The following PPP4R3A variants were observed in gnomAD, a reference collection of about 807,000 sequenced individuals.
PPP4R3A encodes the protein serine/threonine-protein phosphatase 4 regulatory subunit 3A.
Under a neutral mutation model 91.7 loss-of-function variants are expected in PPP4R3A, and 15 were observed. The ratio of observed to expected loss-of-function variants is 0.16; its 90% CI spans 0.11 to 0.25. PPP4R3A has a LOEUF of 0.25. Ranked by LOEUF, PPP4R3A falls within the 10% of genes least tolerant of loss-of-function variation. PPP4R3A has a pLI of 1.00. For missense variants in PPP4R3A, 623 were observed against 998.4 expected (o/e 0.62, Z 5.07); for synonymous variants, 377 against 348.7 (o/e 1.08, Z -0.91).
intron 3 of PPP4R3A, among the ~76,000 whole-genome samples, chr14:91,482,558 A>G (rs772392235): frequency 3.3e-5 from 5 of 152,162 alleles, no homozygotes; most frequent in Non-Finnish European, 7.3e-5. Context: ...CCTCTTTTCC[A>G]GCAGACCAAG....
At position 91,490,023 on chromosome 14, in the gene PPP4R3A, T is replaced by A. The variant is rs899061177; in HGVS notation, c.198+724A>T. ...CACTTTATGAACAAGCTGGTAATCTTCTTTCTTCTCAATTAACTATTTTGT... is the reference window on the plus strand; with the variant it reads ...CACTTTATGAACAAGCTGGTAATCTACTTTCTTCTCAATTAACTATTTTGT... On this transcript the variant is annotated intron_variant, in intron 2 of 14. Coordinates refer to ENST00000554943, the MANE Select transcript of PPP4R3A (RefSeq NM_001366432.2). 3.1e-5 allele frequency among the ~76,000 whole-genome samples: 4 copies of A among 127,098 alleles called. No homozygotes were observed. The Admixed American group carries it at 3.5e-4, about 11-fold the overall frequency. The allele number at this position is 127,098 out of a possible 152,430, so 83.4% of individuals were successfully genotyped here.
chr14:91,493,613 C>T (rs1890361567), intron 1 of PPP4R3A, among the ~76,000 whole-genome samples: 1 of 141,520 alleles, frequency 7.1e-6, no homozygotes, highest in African/African-American at 2.8e-5. Context: ...GATGGTGAGA[C>T]CCCATACTAT....
intron 1 of PPP4R3A, among the ~76,000 whole-genome samples, chr14:91,496,449 T>G (rs2140146878): frequency 6.6e-6 from 1 of 152,288 alleles, no homozygotes; most frequent in South Asian, 2.1e-4. Flanking sequence ...TATGACATTG[T>G]CAGCCACCTA....
At chr14:91,474,698 C>T (rs1889075670) in intron 7 of PPP4R3A, 1 of 151,586 alleles carries the variant, frequency 6.6e-6, no homozygotes, top group South Asian at 2.1e-4. Context: ...TCATAGCTCA[C>T]TGCAGAGTCA....
chr14:91,504,391 C>A (rs889530098), intron 1 of PPP4R3A, among the ~76,000 whole-genome samples: 46 of 150,288 alleles, frequency 3.1e-4, no homozygotes, highest in African/African-American at 1.0e-3. Context: ...CACCTGAGGT[C>A]AGGAGTTCGA....
At chr14:91,460,637 CTTTTTTTTT>C (rs573677740) in intron 14 of PPP4R3A, among the ~76,000 whole-genome samples, 8 of 111,282 alleles carry the variant, frequency 7.2e-5, no homozygotes, top group Non-Finnish European at 1.4e-4. Context: ...GATTTTGTTC[CTTTTTTTTT>C]TTTTTTTTTT....
At chr14:91,477,107 TG>T in intron 4 of PPP4R3A, 121 bp from the exon 5 acceptor site, 1 of 559,936 alleles carries the variant, frequency 1.8e-6, no homozygotes, top group South Asian at 2.9e-5. Context: ...TTGGCAATGC[TG>T]TCTTTTTTTT....
intron 4 of PPP4R3A, among the ~76,000 whole-genome samples, chr14:91,479,292 ACG>A (rs1491131693): frequency 2.1e-5 from 2 of 93,260 alleles, no homozygotes; most frequent in South Asian, 4.3e-4. Flanking sequence ...ATAAAAAACA[ACG>A]TGTGTGTGTG....
chr14:91,468,993 T>C (rs1159941813), intron 10 of PPP4R3A, among the ~76,000 whole-genome samples: 2 of 151,912 alleles, frequency 1.3e-5, no homozygotes, highest in African/African-American at 4.8e-5. Flanking sequence ...GTCATAACCA[T>C]CTTCATTTTC....
At position 91,473,346 on chromosome 14, in the gene PPP4R3A, T is replaced by C. The variant is rs1888966282; in HGVS notation, c.1291A>G (p.Ile431Val). 21 of 1,613,484 alleles carry C rather than the reference T, an allele frequency of 1.3e-5. No homozygotes were observed. Among genetic ancestry groups the C allele is most frequent in the Admixed American group, 1.7e-5 (1 of 59,878 alleles). Residue 431 changes from isoleucine to valine, a missense_variant, in exon 8 of 15, where the codon ATA becomes GTA. By Grantham distance (29) the Ile-to-Val change is conservative. Around this residue, in one of 5 missense-constraint regions of PPP4R3A, gnomAD observed 264 missense variants for 377.3 expected, o/e 0.70. Transcript: ENST00000554943. The stretch of plus-strand genomic sequence containing the variant: ...TCTGTATCACAAATCATATGTTCTA[T>C]AATGAGGTTGATGAGCAAAATATCC... ...SKDILLINLI[I>V]EHMICDTDPE...
intron 2 of PPP4R3A, among the ~76,000 whole-genome samples, chr14:91,489,222 TG>T (rs1268036403): frequency 6.6e-6 from 1 of 152,090 alleles, no homozygotes; most frequent in Non-Finnish European, 1.5e-5. Context: ...TACTTCTTAG[TG>T]ATGAAAACAA....
rs750299567 is a variant in PPP4R3A at position 91,490,827 on chromosome 14, ATTATGTTACTGT to A, written c.143-37_143-26del. The stretch of plus-strand genomic sequence containing the variant: ...CCTAGGAAACAGAAAAAGACATTCC[ATTATGTTACTGT>A]AAAACAGCAAAATTATATTCCCTTA... On this transcript the variant is annotated intron_variant, in intron 1 of 14. Transcript: ENST00000554943. 2.6e-6 allele frequency: 4 copies of A among 1,567,198 alleles called. No individual in the cohort carries two copies. In the Admixed American group the frequency reaches 7.0e-5, roughly 27 times the overall value.
chr14:91,484,623 A>T (rs1170098778), intron 3 of PPP4R3A, among the ~76,000 whole-genome samples: 2 of 152,198 alleles, frequency 1.3e-5, no homozygotes, highest in African/African-American at 4.8e-5. Flanking sequence ...GGATTTTAAA[A>T]AACAATTATT....
intron 3 of PPP4R3A, among the ~76,000 whole-genome samples, chr14:91,484,398 G>T (rs1432129106): frequency 2.0e-5 from 3 of 152,130 alleles, no homozygotes; most frequent in African/African-American, 7.2e-5. Flanking sequence ...GCCAAATTTG[G>T]TCTGCCACCT....
rs1889226042 is a variant in PPP4R3A at position 91,476,653 on chromosome 14, C to G, written c.994-129G>C. 4.3e-6 allele frequency: 3 copies of G among 702,218 alleles called. No individual in the cohort carries two copies. The Admixed American group carries it at 9.0e-5, about 21-fold the overall frequency. The allele number at this position is 702,218 out of a possible 1,614,324, so 43.5% of individuals were successfully genotyped here. A position where few individuals can be genotyped will look rare whatever the true frequency, so the allele number is the denominator to read the frequency against. ...CGATCTTGGCTCACTGCAACCTCCA[C>G]CTCCCGAGTTCAAGCGATTCTCCTG... On this transcript the variant is annotated intron_variant, in intron 5 of 14. Coordinates refer to ENST00000554943, the MANE Select transcript of PPP4R3A (RefSeq NM_001366432.2).
intron 2 of PPP4R3A, among the ~76,000 whole-genome samples, chr14:91,488,993 C>T (rs1469086708): frequency 6.6e-6 from 1 of 150,666 alleles, no homozygotes; most frequent in African/African-American, 2.4e-5. Context: ...CTGCAAGCTC[C>T]ACCTCCCAGG....
At chr14:91,482,803 T>G (rs1889651501) in intron 3 of PPP4R3A, among the ~76,000 whole-genome samples, 1 of 152,186 alleles carries the variant, frequency 6.6e-6, no homozygotes, top group South Asian at 2.1e-4. Flanking sequence ...GTCACTGATC[T>G]TCTATAAATA....
In PPP4R3A at chr14:91,495,302, A is replaced by ATGTGTG. The variant is rs60663799; in HGVS notation, c.143-4506_143-4501dup. ...AAAATACCACATGTCCAGATACATA[A>ATGTGTG]TGTGTGTGTGTGTGTGTGTGTGTAT... On this transcript the variant is annotated intron_variant, in intron 1 of 14. Coordinates refer to ENST00000554943, the MANE Select transcript of PPP4R3A (RefSeq NM_001366432.2). Among the ~76,000 whole-genome samples, 294 of 140,958 alleles carry ATGTGTG rather than the reference A, an allele frequency of 2.1e-3. 1 individual carries two copies. Among genetic ancestry groups the ATGTGTG allele is most frequent in the Admixed American group, 4.9e-3 (68 of 13,952 alleles). The allele number at this position is 140,958 out of a possible 152,430, so 92.5% of individuals were successfully genotyped here. A position where few individuals can be genotyped will look rare whatever the true frequency, so the allele number is the denominator to read the frequency against.
rs566593358 is a variant in PPP4R3A at position 91,509,496 on chromosome 14, C to G, written c.142+10G>C. 21 of 1,581,332 alleles carry G rather than the reference C, an allele frequency of 1.3e-5. No individual in the cohort carries two copies. The African/African-American group carries it at 2.1e-4, about 16-fold the overall frequency. On this transcript the variant is annotated intron_variant, in intron 1 of 14. Transcript: ENST00000554943. ...GCTGCGAGGGTCCCGCCGCGCGGGGCTTCACTTACCGTCGCTCTCAGCCCT... is the reference window on the plus strand; with the variant it reads ...GCTGCGAGGGTCCCGCCGCGCGGGGGTTCACTTACCGTCGCTCTCAGCCCT...
Sources: allele counts gnomAD v4.1 joint callset (sites outside exome capture counted in the v4.1 genomes callset), GRCh38; gene constraint gnomAD v4.1.1; regional missense constraint gnomAD v4.1.1; transcripts MANE v1.5; gene names NCBI Gene and HGNC (gene_info 2026-07-23, HGNC 2026-07-21).